The following XKR6 variants were observed in gnomAD, a reference collection of about 807,000 sequenced individuals.
The protein encoded by XKR6 is XK-related protein 6.
In XKR6, 22 loss-of-function variants were observed where a neutral mutation model predicts 56.7. The observed-to-expected ratio is 0.39, with a 90% CI of 0.28 to 0.55. The LOEUF (loss-of-function observed/expected upper bound fraction) is 0.55, where lower values mean the gene tolerates loss of function less well. XKR6 is among the 20% of genes least tolerant of loss of function. XKR6 has a pLI of 0.66. For missense variants in XKR6, 852 were observed against 889.0 expected (o/e 0.96, Z 0.53); for synonymous variants, 524 against 387.8 (o/e 1.35, Z -4.13).
chr8:11,067,323 G>A (rs548418391), intron 1 of XKR6, among the ~76,000 whole-genome samples: 10 of 152,216 alleles, frequency 6.6e-5, no homozygotes, highest in African/African-American at 2.2e-4. Context: ...CTTGCCTCCC[G>A]GACACCTGGA....
At chr8:10,921,160 C>T (rs1463577953) in intron 2 of XKR6, among the ~76,000 whole-genome samples, 1 of 152,274 alleles carries the variant, frequency 6.6e-6, no homozygotes, top group Non-Finnish European at 1.5e-5. Flanking sequence ...ACATCCATTG[C>T]CCCTTGGGAA....
intron 1 of XKR6, among the ~76,000 whole-genome samples, chr8:10,930,277 C>T (rs12547012): frequency 0.013 from 2,047 of 152,270 alleles, 51 homozygotes; most frequent in African/African-American, 0.045. Context: ...GATAACAAAC[C>T]ACCTTCAAAG....
intron 1 of XKR6, among the ~76,000 whole-genome samples, chr8:11,199,905 C>G (rs769818536): frequency 9.9e-5 from 15 of 152,000 alleles, no homozygotes; most frequent in African/African-American, 2.9e-4. Flanking sequence ...ACCAAACGCT[C>G]GCGCCCATCA....
chr8:10,919,592 G>A (rs989152087), intron 2 of XKR6, among the ~76,000 whole-genome samples: 1 of 152,192 alleles, frequency 6.6e-6, no homozygotes, highest in Non-Finnish European at 1.5e-5. Flanking sequence ...TTAGACCTTT[G>A]CAACAACCCA....
intron 1 of XKR6, among the ~76,000 whole-genome samples, chr8:11,054,774 T>C (rs2129161287): frequency 6.6e-6 from 1 of 152,198 alleles, no homozygotes; most frequent in South Asian, 2.1e-4. Flanking sequence ...TGGGTGAGGG[T>C]CCGAGGGCGG....
rs545238530 is a variant in XKR6 at position 11,046,798 on chromosome 8, A to T, written c.765-121968T>A. On this transcript the variant is annotated intron_variant, in intron 1 of 2. Transcript: ENST00000416569. ...ATAGATACATAGATAAATGTTTAAT[A>T]GAGTCTTATTCATCCTTAAAAGATA... 2.0e-4 allele frequency among the ~76,000 whole-genome samples: 30 copies of T among 152,380 alleles called. 1 individual carries two copies. Among genetic ancestry groups the T allele is most frequent in the Admixed American group, 1.8e-3 (27 of 15,312 alleles).
chr8:11,067,534 CATTATTT>C (rs1390857495), intron 1 of XKR6, among the ~76,000 whole-genome samples: 2 of 152,166 alleles, frequency 1.3e-5, no homozygotes, highest in East Asian at 3.9e-4. Context: ...CACAGTGAAA[CATTATTT>C]ATCTTAGACA....
At position 11,081,649 on chromosome 8, in the gene XKR6, G is replaced by A. The variant is rs138888178; in HGVS notation, c.764+118927C>T. 3.0e-3 allele frequency among the ~76,000 whole-genome samples: 452 copies of A among 152,164 alleles called. 1 individual carries two copies. The highest frequency in any genetic ancestry group is 9.4e-3 in the African/African-American group (390 of 41,500). ...CCTGAATTCTTCTTCCTTTCCCCAC[G>A]GCTCTGACTCCAAGTTCTGATCATC... On this transcript the variant is annotated intron_variant, in intron 1 of 2. Coordinates refer to ENST00000416569, the MANE Select transcript of XKR6 (RefSeq NM_173683.4).
At chr8:10,978,124 T>G (rs76934444) in intron 1 of XKR6, among the ~76,000 whole-genome samples, 2,915 of 152,206 alleles carry the variant, frequency 0.019, 84 homozygotes, top group African/African-American at 0.067. Context: ...GAGGTCCTAG[T>G]GACACTCAAT....
At chr8:11,113,480 A>G (rs1799006853) in intron 1 of XKR6, among the ~76,000 whole-genome samples, 1 of 152,360 alleles carries the variant, frequency 6.6e-6, no homozygotes, top group Non-Finnish European at 1.5e-5. Context: ...AAGCTAACTG[A>G]TACAACTAAC....
At chr8:11,177,764 G>A (rs945261562) in intron 1 of XKR6, among the ~76,000 whole-genome samples, 11 of 152,242 alleles carry the variant, frequency 7.2e-5, no homozygotes, top group Non-Finnish European at 1.5e-5. Flanking sequence ...GTCCTGCTCA[G>A]AATCTCAGGG....
intron 1 of XKR6, among the ~76,000 whole-genome samples, chr8:11,011,624 T>A (rs1010816971): frequency 6.6e-6 from 1 of 151,876 alleles, no homozygotes; most frequent in African/African-American, 2.4e-5. Flanking sequence ...AACAAATAGG[T>A]AAGTAATAGA....
At chr8:11,000,461 G>C (rs1020711398) in intron 1 of XKR6, among the ~76,000 whole-genome samples, 1 of 152,160 alleles carries the variant, frequency 6.6e-6, no homozygotes, top group Admixed American at 6.5e-5. Context: ...TGAGGTGGAT[G>C]CATCACTTGA....
chr8:11,031,360 C>T (rs1327351117), intron 1 of XKR6, among the ~76,000 whole-genome samples: 1 of 152,202 alleles, frequency 6.6e-6, no homozygotes, highest in Non-Finnish European at 1.5e-5. Flanking sequence ...GGGCTTATGC[C>T]AGCCCAGTGG....
chr8:11,075,071 T>C (rs1038464128), intron 1 of XKR6, among the ~76,000 whole-genome samples: 5 of 152,032 alleles, frequency 3.3e-5, no homozygotes, highest in Admixed American at 1.3e-4. Context: ...GGGGCACTAG[T>C]ACAGGTGGGG....
At chr8:11,110,677 A>G (rs1340725017) in intron 1 of XKR6, among the ~76,000 whole-genome samples, 10 of 152,200 alleles carry the variant, frequency 6.6e-5, no homozygotes, top group Non-Finnish European at 1.0e-4. Flanking sequence ...TCTTAATCCC[A>G]GGAACAGGTA....
At chr8:11,174,839 C>T (rs563665467) in intron 1 of XKR6, among the ~76,000 whole-genome samples, 40 of 152,300 alleles carry the variant, frequency 2.6e-4, no homozygotes, top group African/African-American at 9.4e-4. Flanking sequence ...GGATGATCAA[C>T]GGACCCCTTC....
At chr8:10,984,545 G>T (rs58870435) in intron 1 of XKR6, among the ~76,000 whole-genome samples, 10,896 of 151,572 alleles carry the variant, frequency 0.072, 1,316 homozygotes, top group African/African-American at 0.25. Context: ...TGTTTTCAGG[G>T]GAAAGAGTCC....
chr8:11,055,610 C>A (rs1173417539), intron 1 of XKR6, among the ~76,000 whole-genome samples: 1 of 152,250 alleles, frequency 6.6e-6, no homozygotes, highest in African/African-American at 2.4e-5. Context: ...CCCAAATCCA[C>A]GTCCCAGGAC....
Sources: allele counts gnomAD v4.1 joint callset (sites outside exome capture counted in the v4.1 genomes callset), GRCh38; gene constraint gnomAD v4.1.1; transcripts MANE v1.5; gene names NCBI Gene and HGNC (gene_info 2026-07-23, HGNC 2026-07-21).